SPINK13: variants seen among roughly 807,000 people sequenced by gnomAD.
SPINK13 encodes serine peptidase inhibitor Kazal type 13.
SPINK13 carries 11 observed loss-of-function variants against 11.0 expected under a neutral mutation model. The ratio of observed to expected loss-of-function variants is 1.00; its 90% CI spans 0.63 to 1.65. The LOEUF is 1.65. SPINK13 is among the 40% of genes most tolerant of loss of function. The pLI, the probability that SPINK13 is intolerant of heterozygous loss-of-function variation, is 0.00. For synonymous variants in SPINK13, 31 were observed against 35.6 expected (o/e 0.87, Z 0.46); for missense variants, 113 against 117.7 (o/e 0.96, Z 0.19).
intron 2 of SPINK13, among the ~76,000 whole-genome samples, 171 bp from the exon 3 acceptor site, chr5:148,274,176 T>C (rs917359509): frequency 1.2e-4 from 18 of 151,822 alleles, no homozygotes; most frequent in Admixed American, 7.9e-4. Flanking sequence ...AAAAAGTGGA[T>C]AAAGTAATTT....
At chr5:148,281,087 G>T (rs1055902066) in intron 3 of SPINK13, among the ~76,000 whole-genome samples, 3 of 152,138 alleles carry the variant, frequency 2.0e-5, no homozygotes, top group Non-Finnish European at 4.4e-5. Flanking sequence ...ACACTGTGAG[G>T]GGAAAACCAC....
intron 3 of SPINK13, among the ~76,000 whole-genome samples, chr5:148,275,542 T>C (rs183668539): frequency 1.0e-3 from 159 of 152,310 alleles, no homozygotes; most frequent in African/African-American, 3.8e-3. Context: ...TAGTTCTAGA[T>C]CCTTGCGGAC....
intron 4 of SPINK13, among the ~76,000 whole-genome samples, chr5:148,283,086 GTCTTCTCC>G (rs1756541589): frequency 6.6e-6 from 1 of 152,126 alleles, no homozygotes; most frequent in Non-Finnish European, 1.5e-5. Flanking sequence ...GTTTCCAGCT[GTCTTCTCC>G]CAGTGGACTC....
Position 148,282,122 on chromosome 5 carries a change from A to T in SPINK13, c.127A>T (p.Ile43Phe). The change falls in exon 4 of 5, where the codon ATC becomes TTC. Residue 43 changes from isoleucine to phenylalanine, a missense_variant. By Grantham distance (21) the Ile-to-Phe change is conservative. Coordinates refer to ENST00000398450, the MANE Select transcript of SPINK13 (RefSeq NM_001040129.3). ...TTTGCAGCCCCGATGTAAAATGTAT[A>T]TCCCACTGGACCCTGATTACAATGC... ...RWPKPRCKMY[I>F]PLDPDYNADC... The T allele has an allele frequency of 6.2e-7, 1 of 1,614,206 alleles. No homozygotes were observed. The highest frequency in any genetic ancestry group is 8.5e-7 in the Non-Finnish European group (1 of 1,180,032).
chr5:148,283,905 C>T (rs116191921), intron 4 of SPINK13, among the ~76,000 whole-genome samples: 2 of 152,158 alleles, frequency 1.3e-5, no homozygotes, highest in Admixed American at 6.5e-5. Context: ...AACAGACACA[C>T]AATGTGGGCC....
Sources: gnomAD v4.1 joint callset for allele counts (sites outside exome capture counted in the v4.1 genomes callset) on GRCh38, gnomAD v4.1.1 for gene constraint, MANE v1.5 for transcripts, NCBI Gene and HGNC (gene_info 2026-07-23, HGNC 2026-07-21) for gene names.